The following KIRREL3 variants were observed in gnomAD, a reference collection of about 807,000 sequenced individuals.
KIRREL3 encodes kin of IRRE-like protein 3.
Under a neutral mutation model 89.7 loss-of-function variants are expected in KIRREL3, and 36 were observed. The observed-to-expected ratio is 0.40, with a 90% CI of 0.31 to 0.53. The LOEUF is 0.53. Among genes scored for constraint, KIRREL3 ranks in the 20% least tolerant of loss-of-function variants. The probability of loss-of-function intolerance (pLI) is 0.49; values close to 1 mark genes in which losing one functional copy is unlikely to be tolerated. For synonymous variants in KIRREL3, 445 were observed against 441.4 expected (o/e 1.01, Z -0.10); for missense variants, 864 against 1,056.6 (o/e 0.82, Z 2.53).
chr11:126,690,048 G>A (rs1034974057), intron 1 of KIRREL3, among the ~76,000 whole-genome samples: 4 of 152,094 alleles, frequency 2.6e-5, no homozygotes, highest in Admixed American at 1.3e-4. Context: ...GAGGAGGCCC[G>A]AGAAGAAAGC....
At chr11:126,632,000 C>T (rs1043456671) in intron 1 of KIRREL3, among the ~76,000 whole-genome samples, 4 of 152,188 alleles carry the variant, frequency 2.6e-5, no homozygotes, top group African/African-American at 7.2e-5. Flanking sequence ...TTCCAGGCCA[C>T]CTAGACTACA....
At position 126,525,135 on chromosome 11, in the gene KIRREL3, TA is replaced by T. The variant is rs750326763; in HGVS notation, c.283+1402del. 4.6e-5 allele frequency among the ~76,000 whole-genome samples: 7 copies of T among 152,184 alleles called. No homozygotes were observed. Among genetic ancestry groups the T allele is most frequent in the Non-Finnish European group, 1.0e-4 (7 of 68,036 alleles). On this transcript the variant is annotated intron_variant, in intron 3 of 16. Transcript: ENST00000525144. This position sits in a 1 kb window ranked among gnomAD's most constrained non-coding sequence, Gnocchi z 5.4. ...GTTATCCATGCTGAGATGACCACCGTATGCACTATCCCTGCTGACCTGAGCC... is the reference window on the plus strand; with the variant it reads ...GTTATCCATGCTGAGATGACCACCGTTGCACTATCCCTGCTGACCTGAGCC...
chr11:126,589,370 G>T (rs542353265), intron 1 of KIRREL3, among the ~76,000 whole-genome samples: 9 of 152,344 alleles, frequency 5.9e-5, no homozygotes, highest in African/African-American at 1.9e-4. Flanking sequence ...GGCCAGCTTT[G>T]TCCGGGAACT....
At chr11:126,450,868 T>A (rs537182772) in intron 7 of KIRREL3, among the ~76,000 whole-genome samples, 2 of 146,842 alleles carry the variant, frequency 1.4e-5, no homozygotes, top group Non-Finnish European at 3.0e-5. Context: ...CACGTGTGTG[T>A]GCATGTGTGC....
rs1003018062 is a variant in KIRREL3 at position 126,769,456 on chromosome 11, G to C, written c.56-206544C>G. ...ATAGATATTGCCATCAAGAAGAGGG[G>C]CCCACTCCCCGTGAAAACCGTGCAC... On this transcript the variant is annotated intron_variant, in intron 1 of 16. Coordinates refer to ENST00000525144, the MANE Select transcript of KIRREL3 (RefSeq NM_032531.4). The surrounding 1 kb of genome is among the most constrained non-coding windows in gnomAD (Gnocchi z 4.3). Among the ~76,000 whole-genome samples the C allele has an allele frequency of 6.6e-6, 1 of 152,118 alleles. No individual in the cohort carries two copies. The highest frequency in any genetic ancestry group is 6.5e-5 in the Admixed American group (1 of 15,268).
intron 1 of KIRREL3, among the ~76,000 whole-genome samples, chr11:126,923,330 TTCCTTC>T (rs1258033041): frequency 1.4e-5 from 2 of 141,500 alleles, no homozygotes; most frequent in East Asian, 2.1e-4. Flanking sequence ...CTTCTTCTTC[TTCCTTC>T]TCCTTCTCCT....
At chr11:126,798,981 A>G (rs117029925) in intron 1 of KIRREL3, among the ~76,000 whole-genome samples, 3,026 of 152,168 alleles carry the variant, frequency 0.02, 46 homozygotes, top group South Asian at 0.032. Context: ...ATGAACTACC[A>G]AGTGTGAGTG....
Position 126,631,120 on chromosome 11 carries a change from TATGTATTCATTCATTCATTCATTCATTC to T in KIRREL3, c.56-68236_56-68209del, listed in dbSNP as rs1406624716. Among the ~76,000 whole-genome samples the T allele has an allele frequency of 4.5e-3, 632 of 139,666 alleles. 7 individuals carry two copies. Among genetic ancestry groups the T allele is most frequent in the African/African-American group, 0.016 (608 of 37,600 alleles). 91.6% of individuals were successfully genotyped at this position (139,666 alleles called of 152,430 possible). A position where few individuals can be genotyped will look rare whatever the true frequency, so the allele number is the denominator to read the frequency against. ...GTTGTCTGTGCAATCAGTCTGTATG[TATGTATTCATTCATTCATTCATTCATTC>T]ATTCATTCATTCATTCTGCTATGTA... On this transcript the variant is annotated intron_variant, in intron 1 of 16. Transcript: ENST00000525144.
chr11:126,876,934 A>G lies in KIRREL3; in HGVS notation c.55+123521T>C, dbSNP rs1945312333. Among the ~76,000 whole-genome samples the G allele has an allele frequency of 6.6e-6, 1 of 152,194 alleles. No homozygotes were observed. Among genetic ancestry groups the G allele is most frequent in the South Asian group, 2.1e-4 (1 of 4,830 alleles). On this transcript the variant is annotated intron_variant, in intron 1 of 16. Transcript: ENST00000525144. This position sits in a 1 kb window ranked among gnomAD's most constrained non-coding sequence, Gnocchi z 4.1. The stretch of plus-strand genomic sequence containing the variant: ...ACAGTAGATTGCAGAAACCTATAAG[A>G]CAGACTATCACTGAACTCATAAAAA...
chr11:126,605,227 A>C lies in KIRREL3; in HGVS notation c.56-42315T>G, dbSNP rs765766322. Among the ~76,000 whole-genome samples the C allele has an allele frequency of 2.1e-4, 32 of 152,130 alleles. No individual in the cohort carries two copies. The highest frequency in any genetic ancestry group is 3.8e-4 in the Non-Finnish European group (26 of 68,028). ...GGGACCGACTCCTGGGATCTTACCA[A>C]GTCACATTTGCAGTTGGTGCCTCCT... On this transcript the variant is annotated intron_variant, in intron 1 of 16. Coordinates refer to ENST00000525144, the MANE Select transcript of KIRREL3 (RefSeq NM_032531.4). This position sits in a 1 kb window ranked among gnomAD's most constrained non-coding sequence, Gnocchi z 5.7.
rs1349135052 is a variant in KIRREL3, at chr11:126,462,390, C to A, written c.742+767G>T. On this transcript the variant is annotated intron_variant, in intron 6 of 16. Transcript: ENST00000525144. This position sits in a 1 kb window ranked among gnomAD's most constrained non-coding sequence, Gnocchi z 4.8. ...GTTGTAAAGATTAAATAAGGCCAGG[C>A]GAAGTGGCTCACATCTGTAATCCCA... 6.6e-6 allele frequency among the ~76,000 whole-genome samples: 1 copy of A among 152,138 alleles called. No individual in the cohort carries two copies. Among genetic ancestry groups the A allele is most frequent in the African/African-American group, 2.4e-5 (1 of 41,420 alleles).
rs1239815450 is a variant in KIRREL3, at chr11:126,747,079, G to T, written c.56-184167C>A. On this transcript the variant is annotated intron_variant, in intron 1 of 16. Transcript: ENST00000525144. This position sits in a 1 kb window ranked among gnomAD's most constrained non-coding sequence, Gnocchi z 4.7. ...CAGTGGTTCTGAACATCTTCACAAGGCATTGAAGACCTTTCCTAAAATGAC... is the reference window on the plus strand; with the variant it reads ...CAGTGGTTCTGAACATCTTCACAAGTCATTGAAGACCTTTCCTAAAATGAC... Among the ~76,000 whole-genome samples the T allele has an allele frequency of 6.6e-6, 1 of 152,214 alleles. No individual in the cohort carries two copies. Among genetic ancestry groups the T allele is most frequent in the Non-Finnish European group, 1.5e-5 (1 of 68,046 alleles).
chr11:126,452,721 A>T (rs1444888830), intron 7 of KIRREL3, among the ~76,000 whole-genome samples: 1 of 152,012 alleles, frequency 6.6e-6, no homozygotes, highest in Non-Finnish European at 1.5e-5. Flanking sequence ...CTCTCCTCTC[A>T]TGGTGAGGGA....
At chr11:126,762,793 C>T (rs765651547) in intron 1 of KIRREL3, among the ~76,000 whole-genome samples, 14 of 152,176 alleles carry the variant, frequency 9.2e-5, no homozygotes, top group African/African-American at 1.9e-4. Flanking sequence ...TACCTGAGAG[C>T]GTAGACTCAT....
rs1592037845 is a variant in KIRREL3 at position 126,730,562 on chromosome 11, C to G, written c.56-167650G>C. On this transcript the variant is annotated intron_variant, in intron 1 of 16. Transcript: ENST00000525144. ...CACCTAGGGGACATTTGGCAACGTC[C>G]AGGGACAATTTCTGATGGTCACAAC... Among the ~76,000 whole-genome samples, 3 of 152,288 alleles carry G rather than the reference C, an allele frequency of 2.0e-5. 1 individual carries two copies. The highest frequency in any genetic ancestry group is 4.4e-5 in the Non-Finnish European group (3 of 68,020).
chr11:126,988,129 A>G (rs1373012891), intron 1 of KIRREL3, among the ~76,000 whole-genome samples: 1 of 152,212 alleles, frequency 6.6e-6, no homozygotes, highest in Non-Finnish European at 1.5e-5. Context: ...TCCAGCACAC[A>G]GCTACCACAA....
At chr11:126,824,442 C>T (rs1448146871) in intron 1 of KIRREL3, among the ~76,000 whole-genome samples, 3 of 152,224 alleles carry the variant, frequency 2.0e-5, no homozygotes, top group African/African-American at 4.8e-5. Flanking sequence ...GGGTAAACAA[C>T]TCACCCAACG....
rs891201985 is a variant in KIRREL3 at position 126,544,940 on chromosome 11, C to T, written c.133+17895G>A. Among the ~76,000 whole-genome samples the T allele has an allele frequency of 3.3e-5, 5 of 152,128 alleles. No individual in the cohort carries two copies. Among genetic ancestry groups the T allele is most frequent in the African/African-American group, 7.2e-5 (3 of 41,422 alleles). ...GAAGACACAATAATGAAAAACTCAA[C>T]GTGCAACATTGCCTTACGCAATCTA... On this transcript the variant is annotated intron_variant, in intron 2 of 16. Coordinates refer to ENST00000525144, the MANE Select transcript of KIRREL3 (RefSeq NM_032531.4). This position sits in a 1 kb window ranked among gnomAD's most constrained non-coding sequence, Gnocchi z 5.6.
Position 126,676,781 on chromosome 11 carries a change from C to CTGATTT in KIRREL3, c.56-113875_56-113870dup, listed in dbSNP as rs1946209483. ...TGCAACTTTTTATTTTTCTTTAGAG[C>CTGATTT]TGATTTTTTTTTTTTCCTTTTGAGA... is the stretch of plus-strand genomic sequence containing the variant. On this transcript the variant is annotated intron_variant, in intron 1 of 16. Transcript: ENST00000525144. The surrounding 1 kb of genome is among the most constrained non-coding windows in gnomAD (Gnocchi z 4.5). Among the ~76,000 whole-genome samples, 1 of 151,568 alleles carries CTGATTT rather than the reference C, an allele frequency of 6.6e-6. No individual in the cohort carries two copies. The highest frequency in any genetic ancestry group is 1.9e-4 in the East Asian group (1 of 5,162).
Sources: allele counts gnomAD v4.1 joint callset (sites outside exome capture counted in the v4.1 genomes callset), GRCh38; gene constraint gnomAD v4.1.1; non-coding constraint Gnocchi (gnomAD v3.1); transcripts MANE v1.5; gene names NCBI Gene and HGNC (gene_info 2026-07-23, HGNC 2026-07-21).